The following AGPS variants were observed in gnomAD, a reference collection of about 807,000 sequenced individuals.
AGPS encodes alkyldihydroxyacetonephosphate synthase, peroxisomal.
In AGPS, 26 loss-of-function variants were observed where a neutral mutation model predicts 90.7. That is an observed-to-expected ratio of 0.29 (90% CI 0.21 to 0.40). The LOEUF (loss-of-function observed/expected upper bound fraction) is 0.40. Ranked by LOEUF, AGPS falls within the 10% of genes least tolerant of loss-of-function variation. AGPS has a pLI of 1.00. For missense variants in AGPS, 540 were observed against 816.1 expected, an observed-to-expected ratio of 0.66 and a Z score of 4.12; for synonymous variants, 294 against 285.3, an observed-to-expected ratio of 1.03 and a Z score of -0.31.
At chr2:177,428,006 GCTC>G (rs540375112) in intron 2 of AGPS, among the ~76,000 whole-genome samples, 47 of 152,206 alleles carry the variant, frequency 3.1e-4, no homozygotes, top group South Asian at 1.2e-3. Context: ...GGATCTGGGT[GCTC>G]CTCTATTGGG....
chr2:177,439,441 T>G (rs1381078249), intron 5 of AGPS, among the ~76,000 whole-genome samples: 2 of 152,172 alleles, frequency 1.3e-5, no homozygotes, highest in Admixed American at 1.3e-4. Flanking sequence ...TAATTTTGCC[T>G]TGTTGAAGAT....
At position 177,539,347 on chromosome 2, in the gene AGPS, T is replaced by C. The variant is rs2105747840; in HGVS notation, c.*1152T>C. 6.6e-6 allele frequency: 1 copy of C among 152,166 alleles called. No individual in the cohort carries two copies. The highest frequency in any genetic ancestry group is 2.4e-5 in the African/African-American group (1 of 41,558). 9.4% of individuals were successfully genotyped at this position (152,166 alleles called of 1,614,324 possible). On this transcript the variant is annotated 3_prime_UTR_variant, in exon 20 of 20. Transcript: ENST00000264167. ...ATACCATAATCAAAAGTTTGAAATA[T>C]CCTGTTTCTTAAATAATGAGAACAT...
Position 177,497,739 on chromosome 2 carries a change from G to A in AGPS, c.1336G>A (p.Gly446Arg), listed in dbSNP as rs200882758. The A allele has an allele frequency of 1.9e-6, 3 of 1,571,854 alleles. No individual in the cohort carries two copies. Among genetic ancestry groups the A allele is most frequent in the Non-Finnish European group, 2.6e-6 (3 of 1,148,574 alleles). The change falls in exon 13 of 20, where the codon GGA becomes AGA. Residue 446 changes from glycine to arginine, a missense_variant. By Grantham distance (125) the Gly-to-Arg change is moderately radical. Transcript: ENST00000264167. ...VSSIFTSFLD[G>R]LKKFYITKFK... The stretch of plus-strand genomic sequence containing the variant: ...CTCTATTTTTACATCATTTTTGGAC[G>A]GATTAAAAAAGTTTTATATTACAAA...
intron 6 of AGPS, among the ~76,000 whole-genome samples, chr2:177,441,740 C>T (rs961025600): frequency 6.6e-6 from 1 of 152,128 alleles, no homozygotes; most frequent in Non-Finnish European, 1.5e-5. Flanking sequence ...TGATTTAGAT[C>T]TGGTTAAGAA....
intron 2 of AGPS, among the ~76,000 whole-genome samples, chr2:177,425,741 A>G (rs1358508231): frequency 6.7e-6 from 1 of 149,308 alleles, no homozygotes; most frequent in Admixed American, 6.7e-5. Context: ...ATTCTTTTCC[A>G]TTGGTCTATG....
At chr2:177,432,967 C>T (rs192472532) in intron 2 of AGPS, among the ~76,000 whole-genome samples, 5 of 152,298 alleles carry the variant, frequency 3.3e-5, no homozygotes, top group African/African-American at 9.6e-5. Context: ...CTCACTCACA[C>T]TTCTCTCCCT....
chr2:177,526,752 G>A (rs997387211), intron 19 of AGPS, among the ~76,000 whole-genome samples: 1 of 152,154 alleles, frequency 6.6e-6, no homozygotes, highest in South Asian at 2.1e-4. Flanking sequence ...TTCAAAAGAT[G>A]CCTTTAATAA....
intron 12 of AGPS, among the ~76,000 whole-genome samples, chr2:177,496,322 A>G (rs1688412340): frequency 6.6e-6 from 1 of 152,200 alleles, no homozygotes; most frequent in East Asian, 1.9e-4. Context: ...CATTCAATAT[A>G]TAAATGTTTA....
intron 8 of AGPS, among the ~76,000 whole-genome samples, chr2:177,458,587 G>T (rs547943970): frequency 6.6e-6 from 1 of 152,200 alleles, no homozygotes; most frequent in South Asian, 2.1e-4. Context: ...GCTACTAAGA[G>T]AATAAAATAC....
At chr2:177,455,543 C>T (rs2105657107) in intron 8 of AGPS, among the ~76,000 whole-genome samples, 1 of 152,182 alleles carries the variant, frequency 6.6e-6, no homozygotes, top group South Asian at 2.1e-4. Context: ...ATCTTCCTGC[C>T]TCAGCCTCCT....
chr2:177,412,660 T>C (rs1488824806), intron 1 of AGPS, among the ~76,000 whole-genome samples: 1 of 152,078 alleles, frequency 6.6e-6, no homozygotes, highest in Non-Finnish European at 1.5e-5. Flanking sequence ...GTTACCAGGG[T>C]GTCCTTGCTC....
intron 11 of AGPS, among the ~76,000 whole-genome samples, chr2:177,489,171 G>A (rs1012145072): frequency 5.4e-5 from 8 of 147,894 alleles, no homozygotes; most frequent in South Asian, 2.1e-4. Context: ...TGCAAGCTCC[G>A]CCTCCCGGGT....
intron 1 of AGPS, 104 bp from the exon 2 acceptor site, chr2:177,420,165 G>T: frequency 1.3e-6 from 1 of 747,172 alleles, no homozygotes; most frequent in Non-Finnish European, 2.3e-6. Context: ...ATATTTGTGG[G>T]CATAAGGTAT....
intron 2 of AGPS, among the ~76,000 whole-genome samples, chr2:177,423,875 G>T (rs186573609): frequency 2.0e-5 from 3 of 152,032 alleles, no homozygotes; most frequent in African/African-American, 7.3e-5. Context: ...TTCTAAGTAT[G>T]AGTGAATTTA....
At chr2:177,452,096 C>T (rs891185468) in intron 8 of AGPS, among the ~76,000 whole-genome samples, 7 of 152,096 alleles carry the variant, frequency 4.6e-5, no homozygotes, top group Non-Finnish European at 8.8e-5. Flanking sequence ...TGTTTTATGG[C>T]CCACAGTACA....
chr2:177,533,829 C>T (rs2079160412), intron 19 of AGPS, among the ~76,000 whole-genome samples: 1 of 152,140 alleles, frequency 6.6e-6, no homozygotes, highest in South Asian at 2.1e-4. Context: ...GTATAAGCAG[C>T]TAAGTCTGGG....
At chr2:177,510,466 G>A (rs1688837568) in intron 16 of AGPS, among the ~76,000 whole-genome samples, 1 of 152,204 alleles carries the variant, frequency 6.6e-6, no homozygotes, top group South Asian at 2.1e-4. Context: ...CACCGGGACA[G>A]TGGATTAGTG....
At chr2:177,525,131 A>G (rs1192823071) in intron 19 of AGPS, among the ~76,000 whole-genome samples, 2 of 152,182 alleles carry the variant, frequency 1.3e-5, no homozygotes, top group Non-Finnish European at 2.9e-5. Context: ...AGGGAAATGA[A>G]TATTAGAAAC....
chr2:177,523,773 C>G lies in AGPS; in HGVS notation c.1823C>G (p.Ala608Gly). 1 of 1,613,920 alleles carries G rather than the reference C, an allele frequency of 6.2e-7. No homozygotes were observed. Among genetic ancestry groups the G allele is most frequent in the South Asian group, 1.1e-5 (1 of 91,086 alleles). ...GCAGCTGCTAGAGAAGAAATCCTTG[C>G]TAATGGAGGGAGCCTGTCACATCAC... ...TEAAAREEIL[A>G]NGGSLSHHHG... Residue 608 changes from alanine (A) to glycine (G), a missense_variant, in exon 19 of 20, where the codon GCT (alanine) becomes GGT (glycine). Coordinates refer to ENST00000264167, the MANE Select transcript of AGPS (RefSeq NM_003659.4).
Sources: allele counts gnomAD v4.1 joint callset (sites outside exome capture counted in the v4.1 genomes callset), GRCh38; gene constraint gnomAD v4.1.1; transcripts MANE v1.5; gene names NCBI Gene and HGNC (gene_info 2026-07-23, HGNC 2026-07-21).